Variants in TMEM107 observed in about 807,000 individuals in gnomAD.
The protein encoded by TMEM107 is transmembrane protein 107.
In TMEM107, 18 loss-of-function variants were observed where a neutral mutation model predicts 16.8. That is an observed-to-expected ratio of 1.07 (90% CI 0.74 to 1.59). TMEM107 has a LOEUF of 1.59. Among genes scored for constraint, TMEM107 ranks in the 40% most tolerant of loss-of-function variants. TMEM107 has a pLI of 0.00. For synonymous variants in TMEM107, 68 were observed against 71.6 expected, an observed-to-expected ratio of 0.95 and a Z score of 0.25; for missense variants, 152 against 175.4, an observed-to-expected ratio of 0.87 and a Z score of 0.75.
chr17:8,174,174 T>C lies in TMEM107; in HGVS notation c.*29A>G. 1.2e-6 allele frequency: 2 copies of C among 1,609,894 alleles called. No individual in the cohort carries two copies. Among genetic ancestry groups the C allele is most frequent in the Non-Finnish European group, 1.7e-6 (2 of 1,176,094 alleles). ...GAAGCGGCCCTTGCCCCTGTAGGCT[T>C]CGTCCTTAGGTTCCCGTCATGAAGG... On this transcript the variant is annotated 3_prime_UTR_variant, in exon 5 of 5. Transcript: ENST00000437139.
Position 8,176,169 on chromosome 17 carries a change from G to C in TMEM107, c.87+31C>G, listed in dbSNP as rs139247905. ...CTAGGACCACTCAGAGATGGGAATG[G>C]GGACGGATTGAGTGCAGCCGTGGGT... On this transcript the variant is annotated intron_variant, in intron 1 of 4. Transcript: ENST00000437139. The C allele has an allele frequency of 3.0e-4, 479 of 1,607,852 alleles. No individual in the cohort carries two copies. The African/African-American group carries it at 5.6e-3, about 19-fold the overall frequency.
In TMEM107 at chr17:8,176,199, C is replaced by G; in HGVS notation, c.87+1G>C. Reference sequence around the variant, plus strand: ...GGATTGAGTGCAGCCGTGGGTCTTACCCGGGACCAGAATAAGGTGATGACG... The same window carrying G: ...GGATTGAGTGCAGCCGTGGGTCTTAGCCGGGACCAGAATAAGGTGATGACG... On this transcript the variant is annotated splice_donor_variant, in intron 1 of 4. Transcript: ENST00000437139. LOFTEE classifies it high-confidence loss of function. 6.2e-7 allele frequency: 1 copy of G among 1,614,038 alleles called. No individual in the cohort carries two copies. The highest frequency in any genetic ancestry group is 8.5e-7 in the Non-Finnish European group (1 of 1,179,926).
In TMEM107 at chr17:8,173,320, GCAAAATAGACAAACAGCAATAGCAAGACT is replaced by G. The variant is rs1983722888; in HGVS notation, c.*854_*882del. On this transcript the variant is annotated 3_prime_UTR_variant, in exon 5 of 5. Transcript: ENST00000437139. ...AAGAACAAACAAATTTAGCAAGACT[GCAAAATAGACAAACAGCAATAGCAAGACT>G]GCAAAATAGACAAACAGCAAGGTTA... 2.9e-5 allele frequency: 16 copies of G among 548,692 alleles called. No individual in the cohort carries two copies. Among genetic ancestry groups the G allele is most frequent in the Admixed American group, 2.0e-4 (7 of 35,372 alleles). The allele number at this position is 548,692 out of a possible 1,614,324, so 34.0% of individuals were successfully genotyped here.
chr17:8,173,291 T>C lies in TMEM107; in HGVS notation c.*912A>G, dbSNP rs1037410151. 1.9e-6 allele frequency: 1 copy of C among 534,472 alleles called. No individual in the cohort carries two copies. Among genetic ancestry groups the C allele is most frequent in the African/African-American group, 1.9e-5 (1 of 52,408 alleles). 33.1% of individuals were successfully genotyped at this position (534,472 alleles called of 1,614,324 possible). The stretch of plus-strand genomic sequence containing the variant: ...AAAGCAACAAAAACCAAATCACAAT[T>C]TTCAAGAACAAACAAATTTAGCAAG... On this transcript the variant is annotated 3_prime_UTR_variant, in exon 5 of 5. Coordinates refer to ENST00000437139, the MANE Select transcript of TMEM107 (RefSeq NM_183065.4).
In TMEM107 at chr17:8,173,214, A is replaced by T. The variant is rs1364977561; in HGVS notation, c.*989T>A. ...TGAGAAGTGAGGATTAAAGTTATCAAACGACAAAAAACAAAGAGCCCATTT... is the reference window on the plus strand; with the variant it reads ...TGAGAAGTGAGGATTAAAGTTATCATACGACAAAAAACAAAGAGCCCATTT... On this transcript the variant is annotated 3_prime_UTR_variant, in exon 5 of 5. Transcript: ENST00000437139. 2 of 428,910 alleles carry T rather than the reference A, an allele frequency of 4.7e-6. No individual in the cohort carries two copies. Among genetic ancestry groups the T allele is most frequent in the East Asian group, 8.1e-5 (2 of 24,750 alleles). The allele number at this position is 428,910 out of a possible 1,614,324, so 26.6% of individuals were successfully genotyped here.
Position 8,173,382 on chromosome 17 carries a change from CAG to C in TMEM107, c.*819_*820del, listed in dbSNP as rs1567549248. On this transcript the variant is annotated 3_prime_UTR_variant, in exon 5 of 5. Coordinates refer to ENST00000437139, the MANE Select transcript of TMEM107 (RefSeq NM_183065.4). ...AGACAAACAGCAAGGTTATCCCAGT[CAG>C]AACTTCATAGCTATGTTTGTGGATA... 1 of 681,794 alleles carries C rather than the reference CAG, an allele frequency of 1.5e-6. No individual in the cohort carries two copies. The highest frequency in any genetic ancestry group is 1.6e-5 in the South Asian group (1 of 62,820). The allele number at this position is 681,794 out of a possible 1,614,324, so 42.2% of individuals were successfully genotyped here.
intron 3 of TMEM107, 50 bp from the exon 4 acceptor site, chr17:8,174,666 TG>T: frequency 6.4e-7 from 1 of 1,557,732 alleles, no homozygotes; most frequent in Non-Finnish European, 8.8e-7. Flanking sequence ...CAGACAGTGA[TG>T]GGTCAGAAAA....
chr17:8,176,047 G>A lies in TMEM107; in HGVS notation c.88-21C>T, dbSNP rs1984106466. ...CTGTCCTGGGAGCAGGGCACAGGAAGAGAAGTGAAAAAGGGGCAGGCTGCA... is the reference window on the plus strand; with the variant it reads ...CTGTCCTGGGAGCAGGGCACAGGAAAAGAAGTGAAAAAGGGGCAGGCTGCA... On this transcript the variant is annotated intron_variant, in intron 1 of 4. Transcript: ENST00000437139. 6 of 1,614,086 alleles carry A rather than the reference G, an allele frequency of 3.7e-6. No homozygotes were observed. In the African/African-American group the frequency reaches 4.0e-5, roughly 11 times the overall value.
In TMEM107 at chr17:8,175,665, T is replaced by A. The variant is rs576220746; in HGVS notation, c.256+92A>T. On this transcript the variant is annotated intron_variant, in intron 3 of 4. Coordinates refer to ENST00000437139, the MANE Select transcript of TMEM107 (RefSeq NM_183065.4). ...GTTGAAGATCTTTGAACTGGAAGGA[T>A]TGGCTACAGCAGACACTATTGTGTC... 1.4e-4 allele frequency: 142 copies of A among 1,048,094 alleles called. 1 individual carries two copies. The highest frequency in any genetic ancestry group is 1.6e-4 in the Non-Finnish European group (109 of 663,818). The allele number at this position is 1,048,094 out of a possible 1,614,324, so 64.9% of individuals were successfully genotyped here. A position where few individuals can be genotyped will look rare whatever the true frequency, so the allele number is the denominator to read the frequency against.
At position 8,173,417 on chromosome 17, in the gene TMEM107, A is replaced by G. The variant is rs747144226; in HGVS notation, c.*786T>C. The G allele has an allele frequency of 4.0e-6, 3 of 748,086 alleles. No individual in the cohort carries two copies. The highest frequency in any genetic ancestry group is 7.4e-6 in the Non-Finnish European group (3 of 407,442). The allele number at this position is 748,086 out of a possible 1,614,324, so 46.3% of individuals were successfully genotyped here. On this transcript the variant is annotated 3_prime_UTR_variant, in exon 5 of 5. Transcript: ENST00000437139. ...TAGCTATGTTTGTGGATATCTGCTA[A>G]TCAGCATAACACAAATGTAAGTGAT...
Position 8,173,464 on chromosome 17 carries a change from A to AGCAATCAGGG in TMEM107, c.*729_*738dup. 1 of 764,328 alleles carries AGCAATCAGGG rather than the reference A, an allele frequency of 1.3e-6. No homozygotes were observed. 47.3% of individuals were successfully genotyped at this position (764,328 alleles called of 1,614,324 possible). ...TGATCGTCAGAAAGAATCAGACAGGAGCAATCAGGGTGTTGCAAGTCCTGA... is the reference window on the plus strand; with the variant it reads ...TGATCGTCAGAAAGAATCAGACAGGAGCAATCAGGGGCAATCAGGGTGTTGCAAGTCCTGA... On this transcript the variant is annotated 3_prime_UTR_variant, in exon 5 of 5. Coordinates refer to ENST00000437139, the MANE Select transcript of TMEM107 (RefSeq NM_183065.4).
intron 3 of TMEM107, 26 bp downstream of exon 3, chr17:8,175,731 G>A (rs759592149): frequency 3.1e-6 from 5 of 1,596,346 alleles, no homozygotes; most frequent in Middle Eastern, 1.7e-4. Flanking sequence ...GGTCGTGTGG[G>A]AAAGGTGGGC....
In TMEM107 at chr17:8,173,518, G is replaced by A. The variant is rs139357518; in HGVS notation, c.*685C>T. ...CGCAGAGACGTTAATCACGTTTCAT[G>A]CATCTCCAATCATCATGTTCTAATC... On this transcript the variant is annotated 3_prime_UTR_variant, in exon 5 of 5. Transcript: ENST00000437139. 866 of 765,378 alleles carry A rather than the reference G, an allele frequency of 1.1e-3. 5 individuals carry two copies. The highest frequency in any genetic ancestry group is 6.9e-4 in the Middle Eastern group (3 of 4,378). The allele number at this position is 765,378 out of a possible 1,614,324, so 47.4% of individuals were successfully genotyped here.
chr17:8,173,121 G>C lies in TMEM107; in HGVS notation c.*1082C>G, dbSNP rs188660085. On this transcript the variant is annotated 3_prime_UTR_variant, in exon 5 of 5. Transcript: ENST00000437139. ...AGGAAAAAGAAATACAGTTCCTATT[G>C]AATACCATCCTGAGGGCAACCACCA... 7.5e-5 allele frequency: 18 copies of C among 241,364 alleles called. No homozygotes were observed. In the Admixed American group the frequency reaches 9.6e-4, roughly 13 times the overall value. The allele number at this position is 241,364 out of a possible 1,614,324, so 15.0% of individuals were successfully genotyped here.
Position 8,173,460 on chromosome 17 carries a change from C to CAATCAGAT in TMEM107, c.*742_*743insATCTGATT, listed in dbSNP as rs772335566. On this transcript the variant is annotated 3_prime_UTR_variant, in exon 5 of 5. Coordinates refer to ENST00000437139, the MANE Select transcript of TMEM107 (RefSeq NM_183065.4). The stretch of plus-strand genomic sequence containing the variant: ...TAAGTGATCGTCAGAAAGAATCAGA[C>CAATCAGAT]AGGAGCAATCAGGGTGTTGCAAGTC... 1.2e-4 allele frequency: 90 copies of CAATCAGAT among 763,192 alleles called. No individual in the cohort carries two copies. The highest frequency in any genetic ancestry group is 3.4e-5 in the Admixed American group (2 of 58,862). 47.3% of individuals were successfully genotyped at this position (763,192 alleles called of 1,614,324 possible).
In TMEM107 at chr17:8,173,397, ATGTTTG is replaced by A; in HGVS notation, c.*800_*805del. 1.4e-6 allele frequency: 1 copy of A among 716,508 alleles called. No homozygotes were observed. Among genetic ancestry groups the A allele is most frequent in the Admixed American group, 1.8e-5 (1 of 55,320 alleles). 44.4% of individuals were successfully genotyped at this position (716,508 alleles called of 1,614,324 possible). ...TTATCCCAGTCAGAACTTCATAGCTATGTTTGTGGATATCTGCTAATCAGCATAACA... is the reference window on the plus strand; with the variant it reads ...TTATCCCAGTCAGAACTTCATAGCTATGGATATCTGCTAATCAGCATAACA... On this transcript the variant is annotated 3_prime_UTR_variant, in exon 5 of 5. Coordinates refer to ENST00000437139, the MANE Select transcript of TMEM107 (RefSeq NM_183065.4).
In TMEM107 at chr17:8,173,445, T is replaced by G. The variant is rs768656137; in HGVS notation, c.*758A>C. 3.9e-6 allele frequency: 3 copies of G among 761,930 alleles called. No homozygotes were observed. The highest frequency in any genetic ancestry group is 3.4e-5 in the Admixed American group (2 of 58,784). 47.2% of individuals were successfully genotyped at this position (761,930 alleles called of 1,614,324 possible). On this transcript the variant is annotated 3_prime_UTR_variant, in exon 5 of 5. Coordinates refer to ENST00000437139, the MANE Select transcript of TMEM107 (RefSeq NM_183065.4). ...AGCATAACACAAATGTAAGTGATCG[T>G]CAGAAAGAATCAGACAGGAGCAATC...
Position 8,173,525 on chromosome 17 carries a change from CA to C in TMEM107, c.*677del. The C allele has an allele frequency of 1.3e-6, 1 of 765,360 alleles. No individual in the cohort carries two copies. The highest frequency in any genetic ancestry group is 2.4e-5 in the East Asian group (1 of 41,256). 47.4% of individuals were successfully genotyped at this position (765,360 alleles called of 1,614,324 possible). On this transcript the variant is annotated 3_prime_UTR_variant, in exon 5 of 5. Coordinates refer to ENST00000437139, the MANE Select transcript of TMEM107 (RefSeq NM_183065.4). ...ACGTTAATCACGTTTCATGCATCTC[CA>C]ATCATCATGTTCTAATCTGCCCTCC...
chr17:8,175,597 T>C (rs1984060664), intron 3 of TMEM107, 160 bp downstream of exon 3: 1 of 763,384 alleles, frequency 1.3e-6, no homozygotes, highest in Non-Finnish European at 2.3e-6. Context: ...TACTCTCATT[T>C]TGGGATTTTA....
Sources: allele counts gnomAD v4.1 joint callset, GRCh38; gene constraint gnomAD v4.1.1; transcripts MANE v1.5; gene names NCBI Gene and HGNC (gene_info 2026-07-23, HGNC 2026-07-21).